The following DMD variants were observed in gnomAD, a reference collection of about 807,000 sequenced individuals.
DMD encodes mutant dystrophin.
In DMD, 63 loss-of-function variants were observed where a neutral mutation model predicts 330.1. The ratio of observed to expected loss-of-function variants is 0.19; its 90% CI spans 0.16 to 0.24. DMD has a LOEUF of 0.24. Ranked by LOEUF, DMD falls within the 10% of genes least tolerant of loss-of-function variation. DMD has a pLI of 1.00. For synonymous variants in DMD, 1,223 were observed against 959.8 expected, an observed-to-expected ratio of 1.27 and a Z score of -5.07; for missense variants, 3,344 against 2,684.1, an observed-to-expected ratio of 1.25 and a Z score of -5.43.
At chrX:32,730,607 G>T (rs917025031) in intron 7 of DMD, among the ~76,000 whole-genome samples, 134 of 111,946 alleles carry the variant, frequency 1.2e-3, no homozygotes, top group Non-Finnish European at 1.5e-3. Context: ...AGTAGTAAGA[G>T]ATAAGACTAA....
intron 2 of DMD, among the ~76,000 whole-genome samples, chrX:32,904,163 G>A (rs2086538279): frequency 8.9e-6 from 1 of 111,802 alleles, no homozygotes; most frequent in African/African-American, 3.3e-5. Flanking sequence ...GGTGTAGCTT[G>A]GCTTCTAGAA....
chrX:32,258,178 G>A (rs1379429254), intron 43 of DMD, among the ~76,000 whole-genome samples: 1 of 111,721 alleles, frequency 9.0e-6, no homozygotes, highest in Non-Finnish European at 1.9e-5. Flanking sequence ...ATGCTGGAGA[G>A]GATGTGGAGA....
In DMD at chrX:32,648,073, A is replaced by C. The variant is rs950160320; in HGVS notation, c.961-2921T>G. Among the ~76,000 whole-genome samples, 21 of 112,075 alleles carry C rather than the reference A, an allele frequency of 1.9e-4. No homozygotes were observed. The Admixed American group carries it at 2.0e-3, about 11-fold the overall frequency. The stretch of plus-strand genomic sequence containing the variant: ...CTTTACACTGTGCAATTTGAATCAA[A>C]ATATTAAACACTTTATGATTTATTG... On this transcript the variant is annotated intron_variant, in intron 9 of 78. Coordinates refer to ENST00000357033, the MANE Select transcript of DMD (RefSeq NM_004006.3).
intron 55 of DMD, among the ~76,000 whole-genome samples, chrX:31,601,968 A>G (rs1433236148): frequency 9.0e-6 from 1 of 111,603 alleles, no homozygotes; most frequent in African/African-American, 3.3e-5. Context: ...AAATGGACCC[A>G]AACAGACTTA....
chrX:31,390,928 C>T (rs1350885829), intron 60 of DMD, among the ~76,000 whole-genome samples: 1 of 111,589 alleles, frequency 9.0e-6, no homozygotes, highest in Non-Finnish European at 1.9e-5. Context: ...CTCACCCCCT[C>T]AGTCATTAGC....
chrX:32,868,297 G>C (rs773244671), intron 2 of DMD, among the ~76,000 whole-genome samples: 5 of 111,598 alleles, frequency 4.5e-5, no homozygotes, highest in Non-Finnish European at 9.4e-5. Context: ...ATTCTCGCAG[G>C]CCACTCGGAT....
At chrX:31,753,006 T>C (rs992567277) in intron 51 of DMD, among the ~76,000 whole-genome samples, 1 of 112,083 alleles carries the variant, frequency 8.9e-6, no homozygotes, top group African/African-American at 3.2e-5. Flanking sequence ...AAGAACTACA[T>C]ATGAAAATTG....
In DMD at chrX:32,970,124, C is replaced by G. The variant is rs1408664027; in HGVS notation, c.93+50015G>C. 7.4e-5 allele frequency among the ~76,000 whole-genome samples: 7 copies of G among 94,436 alleles called. 2 individuals are homozygous for G. The highest frequency in any genetic ancestry group is 4.2e-4 in the Admixed American group (4 of 9,521). 82.0% of individuals were successfully genotyped at this position (94,436 alleles called of 115,157 possible). A position where few individuals can be genotyped will look rare whatever the true frequency, so the allele number is the denominator to read the frequency against. ...TTTGATCAGATGAGACACTTATGAT[C>G]TCAATGCTCATTCTCCTACTACTCT... On this transcript the variant is annotated intron_variant, in intron 2 of 78. Coordinates refer to ENST00000357033, the MANE Select transcript of DMD (RefSeq NM_004006.3).
At chrX:32,298,608 G>A (rs770829703) in intron 42 of DMD, among the ~76,000 whole-genome samples, 8 of 110,090 alleles carry the variant, frequency 7.3e-5, no homozygotes, top group African/African-American at 2.4e-4. Context: ...TTCCAAACTT[G>A]CTCAGAAAAT....
intron 50 of DMD, among the ~76,000 whole-genome samples, chrX:31,804,815 T>G (rs1428587312): frequency 9.1e-6 from 1 of 109,749 alleles, no homozygotes; most frequent in African/African-American, 3.3e-5. Context: ...CTACTTATCC[T>G]TCAAGTCTCA....
At chrX:32,287,450 G>A (rs2097446858) in intron 43 of DMD, 79 bp downstream of exon 43, 4 of 963,089 alleles carry the variant, frequency 4.2e-6, no homozygotes, top group South Asian at 2.1e-5. Context: ...TTTCCATGGA[G>A]GGTACTGAAA....
intron 55 of DMD, among the ~76,000 whole-genome samples, chrX:31,569,666 A>ATACGTATATACGTATATC: frequency 9.7e-6 from 1 of 102,954 alleles, no homozygotes; most frequent in East Asian, 3.0e-4. Context: ...ATACGTATAT[A>ATACGTATATACGTATATC]TACGTATATA....
chrX:32,621,223 GGAAA>G (rs1278223201), intron 11 of DMD, among the ~76,000 whole-genome samples: 1 of 111,307 alleles, frequency 9.0e-6, no homozygotes, highest in Non-Finnish European at 1.9e-5. Context: ...CTTTCTAGAC[GGAAA>G]GAAAGACCTG....
intron 23 of DMD, 123 bp from the exon 24 acceptor site, chrX:32,464,822 T>C: frequency 3.7e-6 from 2 of 541,436 alleles, no homozygotes. Flanking sequence ...TGTCTCTAAG[T>C]AGTTCTTGAG....
chrX:32,521,856 G>A (rs1292577660), intron 17 of DMD, among the ~76,000 whole-genome samples: 1 of 111,847 alleles, frequency 8.9e-6, no homozygotes, highest in Non-Finnish European at 1.9e-5. Context: ...GATATTAAAA[G>A]ATGGGGCATT....
intron 44 of DMD, among the ~76,000 whole-genome samples, chrX:31,974,758 T>G: frequency 9.0e-6 from 1 of 110,863 alleles, no homozygotes; most frequent in East Asian, 2.8e-4. Context: ...AGAAATAGAC[T>G]GTTTATTTTC....
chrX:31,489,697 G>A (rs147300191), intron 57 of DMD, among the ~76,000 whole-genome samples: 3,570 of 111,673 alleles, frequency 0.032, 75 homozygotes, highest in Middle Eastern at 0.09. Flanking sequence ...TAAATTCTAG[G>A]AATCTGAGTT....
At chrX:32,519,416 A>T (rs1015025312) in intron 17 of DMD, among the ~76,000 whole-genome samples, 1 of 111,164 alleles carries the variant, frequency 9.0e-6, no homozygotes, top group Non-Finnish European at 1.9e-5. Flanking sequence ...TTATCAGTAG[A>T]TACCTGATCA....
chrX:32,310,479 A>G (rs867128944), intron 41 of DMD, among the ~76,000 whole-genome samples: 1 of 111,361 alleles, frequency 9.0e-6, no homozygotes, highest in Non-Finnish European at 1.9e-5. Context: ...AAGTGTTAAA[A>G]GCATTTCATA....
Sources: allele counts gnomAD v4.1 joint callset (sites outside exome capture counted in the v4.1 genomes callset), GRCh38; gene constraint gnomAD v4.1.1; transcripts MANE v1.5; gene names NCBI Gene and HGNC (gene_info 2026-07-23, HGNC 2026-07-21).